Variants in PTPRC observed in about 807,000 individuals in gnomAD.
PTPRC encodes protein tyrosine phosphatase receptor type C.
A neutral mutation model predicts 155.9 loss-of-function variants in PTPRC; 44 were observed. The ratio of observed to expected loss-of-function variants is 0.28; its 90% CI spans 0.22 to 0.36. The LOEUF is 0.36. PTPRC is among the 10% of genes least tolerant of loss of function. The pLI, the probability that PTPRC is intolerant of heterozygous loss-of-function variation, is 1.00. For synonymous variants in PTPRC, 525 were observed against 533.1 expected (o/e 0.98, Z 0.21); for missense variants, 1,401 against 1,564.6 (o/e 0.90, Z 1.76).
chr1:198,671,033 T>G (rs992274777), intron 2 of PTPRC, among the ~76,000 whole-genome samples: 1 of 152,272 alleles, frequency 6.6e-6, no homozygotes, highest in African/African-American at 2.4e-5. Flanking sequence ...TTTCATAGTG[T>G]ATACATATAT....
rs1382273688 is a variant in PTPRC, at chr1:198,745,701, T to C, written c.2847+1498T>C. ...GCTCTTTGGGGGTAGAGGCTGTGTA[T>C]GCAGATAGTTGAGTTAAACCTATCT... On this transcript the variant is annotated intron_variant, in intron 26 of 32. Transcript: ENST00000442510. Among the ~76,000 whole-genome samples, 6 of 151,820 alleles carry C rather than the reference T, an allele frequency of 4.0e-5. No individual in the cohort carries two copies. In the East Asian group the frequency reaches 1.2e-3, roughly 30 times the overall value.
chr1:198,680,021 G>A, intron 2 of PTPRC: 3 of 545,252 alleles, frequency 5.5e-6, no homozygotes, highest in Non-Finnish European at 6.5e-6. Flanking sequence ...GGCCTGGACC[G>A]CTTGCTGAGG....
At chr1:198,672,492 C>T (rs1004891695) in intron 2 of PTPRC, among the ~76,000 whole-genome samples, 5 of 151,746 alleles carry the variant, frequency 3.3e-5, no homozygotes, top group African/African-American at 7.2e-5. Context: ...TTGTTTAATA[C>T]GGAGTCTTGC....
rs2102541999 is a variant in PTPRC, at chr1:198,750,601, T to C, written c.3182T>C (p.Leu1061Pro). The change falls in exon 29 of 33, where the codon CTG becomes CCG. Residue 1061 changes from leucine to proline, a missense_variant. Leu to Pro is a moderately conservative substitution (Grantham distance 98, BLOSUM62 -3). Around this residue, in one of 3 missense-constraint regions of PTPRC, gnomAD observed 400 missense variants for 389.5 expected, o/e 1.03. Transcript: ENST00000442510. ...AGAAAAGTCAAAGTTATTGTTATGC[T>C]GACAGAACTGAAACATGGAGACCAG... ...FQRKVKVIVM[L>P]TELKHGDQEI... The C allele has an allele frequency of 6.2e-7, 1 of 1,612,784 alleles. No homozygotes were observed. The highest frequency in any genetic ancestry group is 8.5e-7 in the Non-Finnish European group (1 of 1,179,136).
At position 198,741,829 on chromosome 1, in the gene PTPRC, T is replaced by TA. The variant is rs754363866; in HGVS notation, c.2404-33dup. 74 of 1,593,332 alleles carry TA rather than the reference T, an allele frequency of 4.6e-5. No individual in the cohort carries two copies. In the East Asian group the frequency reaches 1.0e-3, roughly 22 times the overall value. On this transcript the variant is annotated intron_variant, in intron 23 of 32. Transcript: ENST00000442510. ...CTTATTTATGTTTCATAGTTTGCTT[T>TA]AAAAAAATCATCTCAAAGAAAATAT...
At chr1:198,642,952 C>CTTT (rs1342342804) in intron 2 of PTPRC, among the ~76,000 whole-genome samples, 2 of 146,810 alleles carry the variant, frequency 1.4e-5, no homozygotes, top group Non-Finnish European at 3.0e-5. Flanking sequence ...TTCTTTCTTT[C>CTTT]TTTCTTTCTT....
chr1:198,756,255 A>AAAT lies in PTPRC; in HGVS notation c.*76_*78dup, dbSNP rs1173803693. On this transcript the variant is annotated 3_prime_UTR_variant, in exon 33 of 33. Coordinates refer to ENST00000442510, the MANE Select transcript of PTPRC (RefSeq NM_002838.5). ...CTATTTTTGTAGAAGTAGGAAGTGA[A>AAAT]AATAGGTATACAGTGGATTAATTAA... is the stretch of plus-strand genomic sequence containing the variant. 14 of 1,558,586 alleles carry AAAT rather than the reference A, an allele frequency of 9.0e-6. No individual in the cohort carries two copies. The highest frequency in any genetic ancestry group is 1.8e-5 in the Admixed American group (1 of 56,842).
At chr1:198,711,577 TC>T (rs1653312474) in intron 11 of PTPRC, among the ~76,000 whole-genome samples, 1 of 152,134 alleles carries the variant, frequency 6.6e-6, no homozygotes, top group Admixed American at 6.5e-5. Context: ...AGCAAAGATT[TC>T]CTAGGGCACA....
intron 2 of PTPRC, among the ~76,000 whole-genome samples, chr1:198,651,873 C>A (rs1021447806): frequency 6.6e-6 from 1 of 151,712 alleles, no homozygotes; most frequent in Non-Finnish European, 1.5e-5. Context: ...TTGAGTGTCT[C>A]GTGTGCCTGG....
At chr1:198,654,266 C>T (rs181427577) in intron 2 of PTPRC, among the ~76,000 whole-genome samples, 1 of 151,678 alleles carries the variant, frequency 6.6e-6, no homozygotes. Flanking sequence ...TAGAGGTTAA[C>T]AATAACAGTG....
chr1:198,729,228 A>T (rs1245954504), intron 17 of PTPRC, 57 bp downstream of exon 17: 3 of 1,491,222 alleles, frequency 2.0e-6, no homozygotes, highest in Middle Eastern at 2.3e-4. Flanking sequence ...GAATCCATTC[A>T]TTTTATTTAT....
At position 198,756,009 on chromosome 1, in the gene PTPRC, A is replaced by G. The variant is rs1252371912; in HGVS notation, c.3749A>G (p.Asn1250Ser). The G allele has an allele frequency of 6.2e-7, 1 of 1,613,330 alleles. No homozygotes were observed. The highest frequency in any genetic ancestry group is 2.2e-5 in the East Asian group (1 of 44,822). ...NHQEDKIEFD[N>S]EVDKVKQDAN... ...CAAGAAGATAAAATTGAATTTGATA[A>G]TGAAGTGGACAAAGTAAAGCAGGAT... Residue 1250 changes from asparagine (N) to serine (S), a missense_variant, in exon 33 of 33, where the codon AAT becomes AGT. Asn to Ser is a conservative substitution (Grantham distance 46). Transcript: ENST00000442510.
At chr1:198,708,844 C>G (rs1282519397) in intron 10 of PTPRC, among the ~76,000 whole-genome samples, 1 of 152,204 alleles carries the variant, frequency 6.6e-6, no homozygotes, top group Non-Finnish European at 1.5e-5. Flanking sequence ...GAGGTGAACT[C>G]TCCCACCCTT....
rs748460083 is a variant in PTPRC, at chr1:198,696,877, C to T, written c.266C>T (p.Ser89Phe). ...ACTTCCACCCAAGTATCCCCGGACTCTTTGGATAATGCTAGTGCTTTTAAT... is the reference window on the plus strand; with the variant it reads ...ACTTCCACCCAAGTATCCCCGGACTTTTTGGATAATGCTAGTGCTTTTAAT... ...DNTSTQVSPD[S>F]LDNASAFNTT... is the part of the protein sequence containing the mutation. Residue 89 changes from serine to phenylalanine, a missense_variant, in exon 4 of 33, where the codon TCT (serine) becomes TTT (phenylalanine). Ser to Phe is a radical substitution (Grantham distance 155). Coordinates refer to ENST00000442510, the MANE Select transcript of PTPRC (RefSeq NM_002838.5). The T allele has an allele frequency of 1.2e-6, 2 of 1,614,072 alleles. No homozygotes were observed. The highest frequency in any genetic ancestry group is 2.2e-5 in the South Asian group (2 of 91,082).
At chr1:198,748,327 A>G in intron 27 of PTPRC, 128 bp downstream of exon 27, 1 of 1,262,834 alleles carries the variant, frequency 7.9e-7, no homozygotes, top group South Asian at 1.5e-5. Flanking sequence ...GTTAATAGGG[A>G]AGAAGTTACT....
chr1:198,749,008 G>T (rs1402303313), intron 27 of PTPRC, among the ~76,000 whole-genome samples: 1 of 151,554 alleles, frequency 6.6e-6, no homozygotes, highest in East Asian at 1.9e-4. Context: ...ATTAATCAAA[G>T]CTACCCATAT....
At chr1:198,666,010 G>T (rs192945332) in intron 2 of PTPRC, among the ~76,000 whole-genome samples, 78 of 152,192 alleles carry the variant, frequency 5.1e-4, no homozygotes, top group Admixed American at 1.5e-3. Flanking sequence ...AGAGGCCAAG[G>T]GGGGAGAATC....
chr1:198,727,108 G>C (rs749653899), intron 15 of PTPRC, among the ~76,000 whole-genome samples: 1 of 151,990 alleles, frequency 6.6e-6, no homozygotes, highest in Non-Finnish European at 1.5e-5. Flanking sequence ...TGATCCACAC[G>C]CCTCGGCCTC....
intron 26 of PTPRC, 117 bp from the exon 27 acceptor site, chr1:198,747,992 G>T: frequency 7.0e-7 from 1 of 1,437,364 alleles, no homozygotes; most frequent in Non-Finnish European, 9.3e-7. Flanking sequence ...CCTATAGGGA[G>T]CATATGCAAA....
Sources: gnomAD v4.1 joint callset for allele counts (sites outside exome capture counted in the v4.1 genomes callset) on GRCh38, gnomAD v4.1.1 for gene constraint, gnomAD v4.1.1 regional missense constraint, MANE v1.5 for transcripts, NCBI Gene and HGNC (gene_info 2026-07-23, HGNC 2026-07-21) for gene names.